The following NAT10 variants were observed in gnomAD, a reference collection of about 807,000 sequenced individuals.
The protein encoded by NAT10 is N-acetyltransferase 10, also known as RNA cytidine acetyltransferase.
NAT10 carries 109 observed loss-of-function variants against 132.2 expected under a neutral mutation model. The observed-to-expected ratio is 0.82, with a 90% CI of 0.71 to 0.97. The LOEUF (loss-of-function observed/expected upper bound fraction) is 0.97. Ranked by LOEUF, NAT10 falls within the 50% of genes least tolerant of loss-of-function variation. The pLI, the probability that NAT10 is intolerant of heterozygous loss-of-function variation, is 0.00. For synonymous variants in NAT10, 479 were observed against 478.0 expected (o/e 1.00, Z -0.03); for missense variants, 1,184 against 1,263.4 (o/e 0.94, Z 0.95).
intron 7 of NAT10, 23 bp downstream of exon 7, chr11:34,118,317 G>A (rs1851820548): frequency 3.1e-6 from 5 of 1,612,224 alleles, no homozygotes; most frequent in Non-Finnish European, 4.2e-6. Flanking sequence ...TGGGGTCCAG[G>A]AATCTGGGGG....
intron 21 of NAT10, 32 bp from the exon 22 acceptor site, chr11:34,139,157 TTC>T (rs745551674): frequency 5.0e-6 from 8 of 1,584,424 alleles, no homozygotes; most frequent in Middle Eastern, 1.7e-4. Context: ...AAAAAGGGGG[TTC>T]TTGGTGCCAG....
chr11:34,118,136 G>T (rs1422780825), intron 6 of NAT10, 44 bp from the exon 7 acceptor site: 1 of 1,464,580 alleles, frequency 6.8e-7, no homozygotes, highest in East Asian at 2.3e-5. Flanking sequence ...TATAGACATT[G>T]CATGCCCTCC....
intron 12 of NAT10, among the ~76,000 whole-genome samples, chr11:34,129,071 C>T (rs1166769506): frequency 1.3e-5 from 2 of 151,978 alleles, no homozygotes; most frequent in Non-Finnish European, 2.9e-5. Flanking sequence ...GTTATTTCTC[C>T]CTCTTGGATA....
In NAT10 at chr11:34,134,553, C is replaced by A. The variant is rs1057134788; in HGVS notation, c.1878C>A (p.Val626=). 1.9e-6 allele frequency: 3 copies of A among 1,614,102 alleles called. No homozygotes were observed. Among genetic ancestry groups the A allele is most frequent in the Non-Finnish European group, 2.5e-6 (3 of 1,180,028 alleles). The change falls in exon 18 of 29, where the codon GTC becomes GTA. Residue 626 remains valine, a synonymous_variant. Coordinates refer to ENST00000257829, the MANE Select transcript of NAT10 (RefSeq NM_024662.3). ...TTGGTGGTCTGTCTGGTGGAAGGGT[C>A]GTTCGCATTGCTGTTCACCCAGATT... ...PDFGGLSGGR[V]VRIAVHPDYQ...
At chr11:34,114,439 A>T (rs561628864) in intron 5 of NAT10, among the ~76,000 whole-genome samples, 2 of 152,318 alleles carry the variant, frequency 1.3e-5, no homozygotes, top group Admixed American at 1.3e-4. Flanking sequence ...CCAGCAGCTC[A>T]GTAATGGTGG....
intron 28 of NAT10, among the ~76,000 whole-genome samples, chr11:34,145,332 G>GC (rs1168612860): frequency 3.3e-5 from 5 of 152,226 alleles, no homozygotes; most frequent in African/African-American, 1.2e-4. Flanking sequence ...AATACTGGTA[G>GC]CTATCATTAA....
Position 34,113,736 on chromosome 11 carries a change from A to C in NAT10, c.393A>C (p.Pro131=), listed in dbSNP as rs778068232. 33 of 1,613,398 alleles carry C rather than the reference A, an allele frequency of 2.0e-5. No individual in the cohort carries two copies. Among genetic ancestry groups the C allele is most frequent in the Non-Finnish European group, 2.5e-5 (30 of 1,179,806 alleles). Residue 131 remains proline, a synonymous_variant, in exon 5 of 29, where the codon CCA becomes CCC. Transcript: ENST00000257829. ...TCCAGGATTTTGAAGCCTTAACTCC[A>C]AACTTGCTGGCCAGGACTGTAGAAA... The part of the protein sequence containing the change: ...CVLQDFEALT[P]NLLARTVETV...
At chr11:34,109,930 C>T (rs1370444116) in intron 3 of NAT10, among the ~76,000 whole-genome samples, 1 of 152,116 alleles carries the variant, frequency 6.6e-6, no homozygotes, top group African/African-American at 2.4e-5. Context: ...CAGACTTTTT[C>T]CCAAAATTCT....
intron 27 of NAT10, 28 bp from the exon 28 acceptor site, chr11:34,143,417 G>A: frequency 6.3e-7 from 1 of 1,594,144 alleles, no homozygotes; most frequent in Non-Finnish European, 8.6e-7. Context: ...TTTCTAGCAG[G>A]CTTTGATAGT....
chr11:34,144,184 C>T (rs1852392726), intron 28 of NAT10, among the ~76,000 whole-genome samples: 3 of 152,272 alleles, frequency 2.0e-5, no homozygotes, highest in Middle Eastern at 3.4e-3. Context: ...CCTGTAATCT[C>T]AGCACTTTGG....
chr11:34,108,895 A>G (rs893131276), intron 3 of NAT10, 62 bp downstream of exon 3: 2 of 1,437,458 alleles, frequency 1.4e-6, no homozygotes, highest in African/African-American at 1.4e-5. Flanking sequence ...GTTAAATGCC[A>G]GGAAATGATT....
chr11:34,135,262 C>T lies in NAT10; in HGVS notation c.1999C>T (p.Pro667Ser). ...PCLEEKVLET[P>S]QEIHTVSSEA... Reference sequence around the variant, plus strand: ...TCTGGAGGAAAAGGTCCTTGAGACACCACAGGAAATTCACACCGTAAGCAG... The same window carrying T: ...TCTGGAGGAAAAGGTCCTTGAGACATCACAGGAAATTCACACCGTAAGCAG... Residue 667 changes from proline to serine, a missense_variant, in exon 19 of 29, where the codon CCA becomes TCA. Physicochemically the swap from Pro to Ser is moderately conservative, Grantham distance 74 (BLOSUM62 -1). Transcript: ENST00000257829. The T allele has an allele frequency of 6.2e-7, 1 of 1,614,104 alleles. No individual in the cohort carries two copies. Among genetic ancestry groups the T allele is most frequent in the East Asian group, 2.2e-5 (1 of 44,890 alleles).
intron 16 of NAT10, among the ~76,000 whole-genome samples, chr11:34,133,746 A>G (rs1005235216): frequency 1.3e-5 from 2 of 152,294 alleles, no homozygotes; most frequent in Admixed American, 6.5e-5. Context: ...GCCTTCACAC[A>G]CGCACAGCAT....
chr11:34,123,237 A>G (rs990121691), intron 9 of NAT10, among the ~76,000 whole-genome samples: 16 of 152,238 alleles, frequency 1.1e-4, no homozygotes, highest in Admixed American at 3.9e-4. Context: ...TCCCCCAGCA[A>G]GTCAGTGCTG....
Position 34,146,152 on chromosome 11 carries a change from CAA to C in NAT10, c.3040_3041del (p.Lys1014GlufsTer22). Reference sequence around the variant, plus strand: ...AGCAAGAAGTTGAAGAACAGAGAGACAAAGAACAAAAAAGATATGAAACTGAA... The same window carrying C: ...AGCAAGAAGTTGAAGAACAGAGAGACAGAACAAAAAAGATATGAAACTGAA... On this transcript the variant is annotated frameshift_variant, in exon 29 of 29. Transcript: ENST00000257829. LOFTEE classifies it high-confidence loss of function. 6.2e-7 allele frequency: 1 copy of C among 1,608,752 alleles called. No individual in the cohort carries two copies. The highest frequency in any genetic ancestry group is 1.1e-5 in the South Asian group (1 of 89,600).
rs1020819701 is a variant in NAT10, at chr11:34,105,796, C to G, written c.-16+4C>G. The G allele has an allele frequency of 6.6e-6, 1 of 152,448 alleles. No individual in the cohort carries two copies. Among genetic ancestry groups the G allele is most frequent in the African/African-American group, 2.4e-5 (1 of 41,480 alleles). The allele number at this position is 152,448 out of a possible 1,614,324, so 9.4% of individuals were successfully genotyped here. A position where few individuals can be genotyped will look rare whatever the true frequency, so the allele number is the denominator to read the frequency against. On this transcript the variant is annotated splice_donor_region_variant and intron_variant, in intron 1 of 28. Coordinates refer to ENST00000257829, the MANE Select transcript of NAT10 (RefSeq NM_024662.3). ...ATCCCCCGGGCTCGGGGCGCAGGTA[C>G]CCAACGCGGGAGGGCCGGGTATGGA...
Position 34,118,531 on chromosome 11 carries a change from A to G in NAT10, c.780+28A>G, listed in dbSNP as rs373108347. 3 of 1,580,504 alleles carry G rather than the reference A, an allele frequency of 1.9e-6. No homozygotes were observed. The African/African-American group carries it at 4.1e-5, about 21-fold the overall frequency. On this transcript the variant is annotated intron_variant, in intron 8 of 28. Coordinates refer to ENST00000257829, the MANE Select transcript of NAT10 (RefSeq NM_024662.3). ...GAGTGTGGTGCTCAGCACTTCCAAC[A>G]CAAAGGTAGTAAAACATAGCATACG...
Position 34,116,314 on chromosome 11 carries a change from A to C in NAT10, c.557+430A>C, listed in dbSNP as rs139978094. On this transcript the variant is annotated intron_variant, in intron 6 of 28. Coordinates refer to ENST00000257829, the MANE Select transcript of NAT10 (RefSeq NM_024662.3). Reference sequence around the variant, plus strand: ...TGGGGTGAGATGTAATTAGAGGCAGAAAAAGGCGACAAAGTGTTTCTTCTG... The same window carrying C: ...TGGGGTGAGATGTAATTAGAGGCAGCAAAAGGCGACAAAGTGTTTCTTCTG... 8.3e-3 allele frequency among the ~76,000 whole-genome samples: 1,265 copies of C among 152,374 alleles called. 20 individuals are homozygous for C. The highest frequency in any genetic ancestry group is 0.029 in the African/African-American group (1,192 of 41,588).
At chr11:34,134,172 G>T (rs544590489) in intron 16 of NAT10, 147 bp from the exon 17 acceptor site, 4 of 671,384 alleles carry the variant, frequency 6.0e-6, no homozygotes, top group South Asian at 3.4e-5. Context: ...TCAAAAGAGC[G>T]GGGGGAATGG....
Sources: allele counts gnomAD v4.1 joint callset (sites outside exome capture counted in the v4.1 genomes callset), GRCh38; gene constraint gnomAD v4.1.1; transcripts MANE v1.5; gene names NCBI Gene and HGNC (gene_info 2026-07-23, HGNC 2026-07-21).